NWD1: variants seen among roughly 807,000 people sequenced by gnomAD.
NWD1 encodes NACHT domain- and WD repeat-containing protein 1.
A neutral mutation model predicts 135.1 loss-of-function variants in NWD1; 129 were observed. That is an observed-to-expected ratio of 0.96 (90% confidence interval 0.83 to 1.11). The LOEUF (loss-of-function observed/expected upper bound fraction) is 1.11. NWD1 is among the 50% of genes least tolerant of loss of function. The pLI, the probability that NWD1 is intolerant of heterozygous loss-of-function variation, is 0.00. For missense variants in NWD1, 1,740 were observed against 1,851.3 expected, an observed-to-expected ratio of 0.94 and a Z score of 1.10; for synonymous variants, 773 against 786.0, an observed-to-expected ratio of 0.98 and a Z score of 0.28.
At chr19:16,731,059 C>T in intron 2 of NWD1, 133 bp from the exon 3 acceptor site, 2 of 555,168 alleles carry the variant, frequency 3.6e-6, no homozygotes, top group East Asian at 6.2e-5. Context: ...GCCTGGGCAA[C>T]ATAGCGAGAT....
intron 17 of NWD1, among the ~76,000 whole-genome samples, chr19:16,802,067 C>T (rs912326089): frequency 2.0e-5 from 3 of 151,808 alleles, no homozygotes; most frequent in Non-Finnish European, 2.9e-5. Context: ...GGGTGGATCA[C>T]GAGGTCAGGA....
At chr19:16,725,038 G>T (rs1415234736) in intron 2 of NWD1, among the ~76,000 whole-genome samples, 1 of 147,960 alleles carries the variant, frequency 6.8e-6, no homozygotes, top group Non-Finnish European at 1.5e-5. Context: ...TTGAGACGGG[G>T]TCTCACTCTG....
intron 18 of NWD1, among the ~76,000 whole-genome samples, chr19:16,810,375 C>T (rs934164379): frequency 2.0e-5 from 3 of 146,542 alleles, no homozygotes; most frequent in Non-Finnish European, 4.4e-5. Context: ...AAGGCAGAGG[C>T]TGCAGTGAGC....
chr19:16,736,857 G>C, intron 4 of NWD1, 107 bp downstream of exon 4: 2 of 721,658 alleles, frequency 2.8e-6, no homozygotes, highest in Non-Finnish European at 2.4e-6. Context: ...TTCTGCTTTC[G>C]TACCTTATCC....
At chr19:16,787,859 C>A (rs1487253229) in intron 12 of NWD1, among the ~76,000 whole-genome samples, 1 of 143,422 alleles carries the variant, frequency 7.0e-6, no homozygotes, top group Admixed American at 7.3e-5. Context: ...GACTCCATCT[C>A]AAAATAGTAA....
intron 5 of NWD1, among the ~76,000 whole-genome samples, chr19:16,748,835 T>TAAGAAG (rs974977707): frequency 6.7e-6 from 1 of 148,860 alleles, no homozygotes; most frequent in African/African-American, 2.6e-5. Flanking sequence ...ATAATAATAA[T>TAAGAAG]AATAAGAAGA....
chr19:16,793,513 A>G (rs1290723490), intron 14 of NWD1, among the ~76,000 whole-genome samples: 1 of 150,134 alleles, frequency 6.7e-6, no homozygotes, highest in Non-Finnish European at 1.5e-5. Flanking sequence ...GGCGTGACCC[A>G]CTGTACCTGG....
intron 6 of NWD1, among the ~76,000 whole-genome samples, chr19:16,751,504 G>A (rs1178704157): frequency 6.7e-6 from 1 of 150,038 alleles, no homozygotes; most frequent in Admixed American, 6.7e-5. Flanking sequence ...AAGGAAGGGA[G>A]GAAGGAAGGA....
rs576869248 is a variant in NWD1 at position 16,759,864 on chromosome 19, C to T, written c.1973+436C>T. On this transcript the variant is annotated intron_variant, in intron 7 of 18. Transcript: ENST00000524140. Reference sequence around the variant, plus strand: ...CAAAAATTAGCCAGACGCGGTGGCACGTGCCTGTAATCCCAGCTGCTCGGG... The same window carrying T: ...CAAAAATTAGCCAGACGCGGTGGCATGTGCCTGTAATCCCAGCTGCTCGGG... Among the ~76,000 whole-genome samples, 6 of 152,004 alleles carry T rather than the reference C, an allele frequency of 3.9e-5. No homozygotes were observed. The East Asian group carries it at 7.7e-4, about 20-fold the overall frequency.
chr19:16,767,083 A>C (rs1969247624), intron 10 of NWD1, among the ~76,000 whole-genome samples: 1 of 152,002 alleles, frequency 6.6e-6, no homozygotes, highest in African/African-American at 2.4e-5. Context: ...TTACAAAGGA[A>C]AGAGGTTTAA....
At chr19:16,771,659 GC>G (rs774866258) in intron 10 of NWD1, among the ~76,000 whole-genome samples, 15 of 152,252 alleles carry the variant, frequency 9.9e-5, no homozygotes, top group Non-Finnish European at 2.1e-4. Context: ...TCCCTGCAAA[GC>G]CCCTTGATTG....
In NWD1 at chr19:16,749,623, G is replaced by T; in HGVS notation, c.981G>T (p.Arg327Ser). The change falls in exon 6 of 19, where the codon AGG becomes AGT. Residue 327 changes from arginine to serine, a missense_variant. Transcript: ENST00000524140. Reference sequence around the variant, plus strand: ...TGGCCCGGCTTGGGCAGCAGCTCAGGCACGATGACAGCAAGCAGCACACCC... The same window carrying T: ...TGGCCCGGCTTGGGCAGCAGCTCAGTCACGATGACAGCAAGCAGCACACCC... ...ELLARLGQQL[R>S]HDDSKQHTPL... 1 of 1,611,306 alleles carries T rather than the reference G, an allele frequency of 6.2e-7. No homozygotes were observed. Among genetic ancestry groups the T allele is most frequent in the South Asian group, 1.1e-5 (1 of 90,886 alleles).
chr19:16,784,555 C>T (rs1969972544), intron 12 of NWD1, among the ~76,000 whole-genome samples: 1 of 151,868 alleles, frequency 6.6e-6, no homozygotes, highest in Non-Finnish European at 1.5e-5. Flanking sequence ...GTGCAAAGGC[C>T]CTGAGAGGGG....
Position 16,736,883 on chromosome 19 carries a change from G to A in NWD1, c.198+133G>A, listed in dbSNP as rs1424760067. The A allele has an allele frequency of 7.7e-6, 5 of 647,504 alleles. No individual in the cohort carries two copies. The East Asian group carries it at 1.1e-4, about 14-fold the overall frequency. 40.1% of individuals were successfully genotyped at this position (647,504 alleles called of 1,614,324 possible). A position where few individuals can be genotyped will look rare whatever the true frequency, so the allele number is the denominator to read the frequency against. The stretch of plus-strand genomic sequence containing the variant: ...TACCTTATCCCTATGGCCTGCCTGT[G>A]GCAGACATTACTAATCAATCACAGA... On this transcript the variant is annotated intron_variant, in intron 4 of 18. Transcript: ENST00000524140.
In NWD1 at chr19:16,789,091, C is replaced by T. The variant is rs764849466; in HGVS notation, c.2841C>T (p.Thr947=). 2 of 1,613,792 alleles carry T rather than the reference C, an allele frequency of 1.2e-6. No individual in the cohort carries two copies. The highest frequency in any genetic ancestry group is 1.7e-6 in the Non-Finnish European group (2 of 1,179,820). The stretch of plus-strand genomic sequence containing the variant: ...TACTCTCTGGCCAGGAGAAATTTAC[C>T]ATTTGGGATGGAGGCTCAAAAAATC... ...WNLLSGQEKF[T]IWDGGSKNPA... The change falls in exon 13 of 19, where the codon ACC becomes ACT. Residue 947 remains threonine, a synonymous_variant. Coordinates refer to ENST00000524140, the MANE Select transcript of NWD1 (RefSeq NM_001007525.5).
chr19:16,779,482 G>A lies in NWD1; in HGVS notation c.2731+17G>A. 1 of 1,610,310 alleles carries A rather than the reference G, an allele frequency of 6.2e-7. No individual in the cohort carries two copies. Among genetic ancestry groups the A allele is most frequent in the Non-Finnish European group, 8.5e-7 (1 of 1,179,224 alleles). On this transcript the variant is annotated intron_variant, in intron 12 of 18. Coordinates refer to ENST00000524140, the MANE Select transcript of NWD1 (RefSeq NM_001007525.5). ...GACACACAGGTGAGACTTGGGAAGT[G>A]GGCTTTGTGGTCAGCTTCCATAGTG...
At chr19:16,787,837 G>GT in intron 12 of NWD1, among the ~76,000 whole-genome samples, 1 of 150,032 alleles carries the variant, frequency 6.7e-6, no homozygotes. Context: ...TCCAGCCTGG[G>GT]TGACAGAGCA....
chr19:16,762,621 T>C (rs1410077508), intron 8 of NWD1, among the ~76,000 whole-genome samples: 2 of 152,174 alleles, frequency 1.3e-5, no homozygotes, highest in Non-Finnish European at 2.9e-5. Context: ...AAATCTTATA[T>C]AACTGTTGTA....
rs377584244 is a variant in NWD1, at chr19:16,750,028, G to A, written c.1386G>A (p.Val462=). The A allele has an allele frequency of 4.3e-6, 7 of 1,613,864 alleles. No individual in the cohort carries two copies. Among genetic ancestry groups the A allele is most frequent in the Non-Finnish European group, 5.9e-6 (7 of 1,179,956 alleles). The change falls in exon 6 of 19, where the codon GTG becomes GTA. Residue 462 remains valine (V), a synonymous_variant. Coordinates refer to ENST00000524140, the MANE Select transcript of NWD1 (RefSeq NM_001007525.5). ...PWLPLNCPPR[V]HLILSACSGA... Reference sequence around the variant, plus strand: ...TGCCTCTCAACTGCCCCCCGAGGGTGCACCTCATCCTCTCAGCTTGCTCGG... The same window carrying A: ...TGCCTCTCAACTGCCCCCCGAGGGTACACCTCATCCTCTCAGCTTGCTCGG...
Sources: allele counts gnomAD v4.1 joint callset (sites outside exome capture counted in the v4.1 genomes callset), GRCh38; gene constraint gnomAD v4.1.1; transcripts MANE v1.5; gene names NCBI Gene and HGNC (gene_info 2026-07-23, HGNC 2026-07-21).